MOGAT1: variants seen among roughly 807,000 people sequenced by gnomAD.
MOGAT1 encodes the protein monoacylglycerol O-acyltransferase 1.
Under a neutral mutation model 31.4 loss-of-function variants are expected in MOGAT1, and 32 were observed. The observed-to-expected ratio is 1.02, with a 90% confidence interval of 0.77 to 1.37. The LOEUF is 1.37. MOGAT1 is among the 40% of genes most tolerant of loss of function. MOGAT1 has a pLI of 0.00. For synonymous variants in MOGAT1, 145 were observed against 144.5 expected (o/e 1.00, Z -0.03); for missense variants, 426 against 402.0 (o/e 1.06, Z -0.51).
chr2:222,684,368 C>T (rs61441860), intron 1 of MOGAT1, among the ~76,000 whole-genome samples: 22,685 of 151,254 alleles, frequency 0.15, 1,890 homozygotes, highest in East Asian at 0.31. Context: ...ATCATGTCAT[C>T]GCACTCCAGC....
intron 5 of MOGAT1, among the ~76,000 whole-genome samples, chr2:222,709,488 A>G (rs1034856550): frequency 6.6e-6 from 1 of 152,164 alleles, no homozygotes; most frequent in Non-Finnish European, 1.5e-5. Context: ...ACAGTAGCTC[A>G]TTTGACTCAA....
chr2:222,673,394 A>G (rs1429570642), intron 1 of MOGAT1, among the ~76,000 whole-genome samples: 5 of 151,376 alleles, frequency 3.3e-5, no homozygotes, highest in African/African-American at 9.7e-5. Flanking sequence ...CTACACCGTG[A>G]GGCAGGGTTG....
chr2:222,693,077 CA>C (rs1437400623), intron 3 of MOGAT1, among the ~76,000 whole-genome samples: 1 of 152,166 alleles, frequency 6.6e-6, no homozygotes, highest in Non-Finnish European at 1.5e-5. Context: ...ATTAGCATAT[CA>C]TTTTCTTCAA....
intron 1 of MOGAT1, among the ~76,000 whole-genome samples, chr2:222,674,017 G>A (rs1443988331): frequency 1.3e-5 from 2 of 152,180 alleles, no homozygotes; most frequent in African/African-American, 4.8e-5. Flanking sequence ...AATCCTCACA[G>A]CAACCTGGTG....
chr2:222,674,127 C>G (rs1692463177), intron 1 of MOGAT1, among the ~76,000 whole-genome samples: 1 of 152,168 alleles, frequency 6.6e-6, no homozygotes. Flanking sequence ...AGTCGAGACA[C>G]ATGTGACCGC....
chr2:222,686,138 C>T (rs28439924), intron 1 of MOGAT1, among the ~76,000 whole-genome samples: 2,194 of 152,252 alleles, frequency 0.014, 55 homozygotes, highest in African/African-American at 0.05. Flanking sequence ...TTTATGCTTA[C>T]GAACCTGCTT....
rs564124310 is a variant in MOGAT1, at chr2:222,697,669, G to A, written c.853+2381G>A. ...ATGATCTGCAACCTCCGCCTCCTGG[G>A]TTCAAGCAATTCTCCTGCCTCAGCC... On this transcript the variant is annotated intron_variant, in intron 5 of 5. Transcript: ENST00000446656. Among the ~76,000 whole-genome samples the A allele has an allele frequency of 2.7e-5, 4 of 148,774 alleles. No individual in the cohort carries two copies. The East Asian group carries it at 7.8e-4, about 29-fold the overall frequency.
At chr2:222,684,465 A>G (rs1193823087) in intron 1 of MOGAT1, among the ~76,000 whole-genome samples, 2 of 151,918 alleles carry the variant, frequency 1.3e-5, no homozygotes, top group East Asian at 3.8e-4. Flanking sequence ...GATTTGAAAC[A>G]AAAAATGTAT....
At chr2:222,686,959 C>CA (rs1692679614) in intron 1 of MOGAT1, among the ~76,000 whole-genome samples, 2 of 151,404 alleles carry the variant, frequency 1.3e-5, no homozygotes, top group African/African-American at 4.9e-5. Context: ...CTAAAAAATA[C>CA]AAAAATTAGC....
chr2:222,684,184 A>T (rs543501825), intron 1 of MOGAT1, among the ~76,000 whole-genome samples: 1 of 152,214 alleles, frequency 6.6e-6, no homozygotes, highest in South Asian at 2.1e-4. Context: ...TGGGTGGATC[A>T]CCTGAGGTCA....
intron 1 of MOGAT1, 52 bp downstream of exon 1, chr2:222,671,931 G>T: frequency 7.1e-7 from 1 of 1,407,448 alleles, no homozygotes; most frequent in Non-Finnish European, 9.8e-7. Context: ...ATCCTCCCTC[G>T]GGACGGTCCG....
intron 5 of MOGAT1, among the ~76,000 whole-genome samples, chr2:222,707,051 G>T (rs565971779): frequency 4.6e-5 from 7 of 152,212 alleles, no homozygotes; most frequent in Non-Finnish European, 7.4e-5. Flanking sequence ...AGTTGGCTGG[G>T]CGTGGTGGCA....
chr2:222,704,492 T>C (rs562162036), intron 5 of MOGAT1, among the ~76,000 whole-genome samples: 44 of 152,024 alleles, frequency 2.9e-4, no homozygotes, highest in African/African-American at 9.9e-4. Context: ...GGCGTGGTGG[T>C]GGACGCCTGT....
chr2:222,694,686 G>C (rs1692815876), intron 4 of MOGAT1, 150 bp downstream of exon 4: 1 of 740,656 alleles, frequency 1.4e-6, no homozygotes, highest in African/African-American at 1.8e-5. Context: ...TTGGGGAATG[G>C]AATATGACCT....
intron 3 of MOGAT1, among the ~76,000 whole-genome samples, chr2:222,692,222 C>G (rs1192559110): frequency 2.0e-5 from 3 of 152,066 alleles, no homozygotes; most frequent in Non-Finnish European, 4.4e-5. Context: ...AAGGGCTATG[C>G]TAACAGTGGC....
rs1417493529 is a variant in MOGAT1 at position 222,671,757 on chromosome 2, G to A, written c.-29G>A. 1 of 1,540,850 alleles carries A rather than the reference G, an allele frequency of 6.5e-7. No individual in the cohort carries two copies. The highest frequency in any genetic ancestry group is 2.0e-5 in the Admixed American group (1 of 50,952). On this transcript the variant is annotated 5_prime_UTR_variant, in exon 1 of 6. Transcript: ENST00000446656. The stretch of plus-strand genomic sequence containing the variant: ...GAGCAGCGTGGGTGCAGGCTGCAGT[G>A]GCTGGCGCCGTCCTCGCCCGGCCAG...
intron 2 of MOGAT1, among the ~76,000 whole-genome samples, chr2:222,688,768 C>G (rs1353090350): frequency 1.3e-5 from 2 of 152,154 alleles, no homozygotes; most frequent in African/African-American, 4.8e-5. Context: ...CCTGCTGCAT[C>G]AGCCCATAGC....
intron 5 of MOGAT1, among the ~76,000 whole-genome samples, chr2:222,706,001 CGGTTTGG>C (rs1692999703): frequency 6.6e-6 from 1 of 152,070 alleles, no homozygotes. Context: ...CTCTCTAATC[CGGTTTGG>C]GGTTAGTTTA....
At chr2:222,703,141 G>A (rs990866034) in intron 5 of MOGAT1, among the ~76,000 whole-genome samples, 6 of 152,132 alleles carry the variant, frequency 3.9e-5, no homozygotes, top group Non-Finnish European at 8.8e-5. Context: ...CAAGGGCTGA[G>A]TTTATATATG....
Sources: gnomAD v4.1 joint callset for allele counts (sites outside exome capture counted in the v4.1 genomes callset) on GRCh38, gnomAD v4.1.1 for gene constraint, MANE v1.5 for transcripts, NCBI Gene and HGNC (gene_info 2026-07-23, HGNC 2026-07-21) for gene names.